The following MOK variants were observed in gnomAD, a reference collection of about 807,000 sequenced individuals.
MOK encodes the protein MOK protein kinase.
MOK carries 59 observed loss-of-function variants against 54.2 expected under a neutral mutation model. The observed-to-expected ratio is 1.09, with a 90% CI of 0.88 to 1.35. The LOEUF (loss-of-function observed/expected upper bound fraction) is 1.35. Among genes scored for constraint, MOK ranks in the 40% most tolerant of loss-of-function variants. MOK has a pLI of 0.00. For missense variants in MOK, 517 were observed against 526.2 expected, an observed-to-expected ratio of 0.98 and a Z score of 0.17; for synonymous variants, 210 against 202.7, an observed-to-expected ratio of 1.04 and a Z score of -0.31.
chr14:102,252,551 GT>G (rs1455710751), intron 4 of MOK, among the ~76,000 whole-genome samples: 1 of 151,948 alleles, frequency 6.6e-6, no homozygotes, highest in Non-Finnish European at 1.5e-5. Context: ...CTTTTTGGCA[GT>G]TTATAGAGGC....
At chr14:102,220,056 G>A (rs1287077257), downstream of MOK, among the ~76,000 whole-genome samples, 3 of 152,244 alleles carry the variant, frequency 2.0e-5, no homozygotes, top group East Asian at 1.9e-4. The surrounding 1 kb of genome is among the most constrained non-coding windows in gnomAD (Gnocchi z 4.2). Flanking sequence ...TGCAGCCCTC[G>A]CGTTGGGTCG....
At position 102,229,484 on chromosome 14, in the gene MOK, G is replaced by C. The variant is rs149501495; in HGVS notation, c.1155C>G (p.Pro385=). Residue 385 remains proline, a synonymous_variant, in exon 11 of 12, where the codon CCC becomes CCG. Transcript: ENST00000361847. ...TCTTGCTCGCAGGGATGCACTTCAA[G>C]GGTCTCAGCACCGGCACTCTTCCAT... ...GTNGRVPVLR[P]LKCIPASKKT... 118 of 1,614,194 alleles carry C rather than the reference G, an allele frequency of 7.3e-5. No individual in the cohort carries two copies. The African/African-American group carries it at 1.3e-3, about 18-fold the overall frequency.
Position 102,250,859 on chromosome 14 carries a change from G to A in MOK, c.543C>T (p.Tyr181=), listed in dbSNP as rs765727739. The stretch of plus-strand genomic sequence containing the variant: ...AGCCGGCGCTCCACAGGTCCATCTT[G>A]TACGTGTAGAACCCATCAGTGAGGA... ...ECLLTDGFYT[Y]KMDLWSAGCV... The change falls in exon 7 of 12, where the codon TAC becomes TAT. Residue 181 remains tyrosine (Y), a synonymous_variant. Transcript: ENST00000361847. 5 of 1,613,958 alleles carry A rather than the reference G, an allele frequency of 3.1e-6. No homozygotes were observed. Among genetic ancestry groups the A allele is most frequent in the South Asian group, 2.2e-5 (2 of 91,078 alleles).
rs953163093 is a variant in MOK at position 102,249,485 on chromosome 14, G to A, written c.590+1327C>T. ...AGCACTTTGGGAGGCTGAGGCAGGC[G>A]GATTACCTGAAGTCAGGAGTTCAAG... On this transcript the variant is annotated intron_variant, in intron 7 of 11. Coordinates refer to ENST00000361847, the MANE Select transcript of MOK (RefSeq NM_014226.3). This position sits in a 1 kb window ranked among gnomAD's most constrained non-coding sequence, Gnocchi z 5.3. 7.9e-5 allele frequency among the ~76,000 whole-genome samples: 12 copies of A among 152,300 alleles called. No homozygotes were observed. The East Asian group carries it at 1.2e-3, about 15-fold the overall frequency.
chr14:102,285,095 A>AG (rs1273536130), intron 1 of MOK, among the ~76,000 whole-genome samples: 48 of 151,886 alleles, frequency 3.2e-4, no homozygotes, highest in African/African-American at 1.2e-3. Flanking sequence ...AAAAAAAAAA[A>AG]AAAAAGAAAA....
chr14:102,249,026 G>A lies in MOK; in HGVS notation c.590+1786C>T, dbSNP rs1475629533. Among the ~76,000 whole-genome samples the A allele has an allele frequency of 3.3e-5, 5 of 151,910 alleles. No individual in the cohort carries two copies. Among genetic ancestry groups the A allele is most frequent in the South Asian group, 2.1e-4 (1 of 4,828 alleles). On this transcript the variant is annotated intron_variant, in intron 7 of 11. Coordinates refer to ENST00000361847, the MANE Select transcript of MOK (RefSeq NM_014226.3). This position sits in a 1 kb window ranked among gnomAD's most constrained non-coding sequence, Gnocchi z 5.3. ...AGGCAGACTCGCTCACACGGAACGC[G>A]AGGAACTCAGCCTGGCGTGTGCAGC...
chr14:102,264,214 A>G (rs1278389901), intron 3 of MOK: 5 of 136,854 alleles, frequency 3.7e-5, no homozygotes, highest in African/African-American at 1.6e-4. Flanking sequence ...CTGTCTCAAA[A>G]AAAAAAAAAA....
At position 102,236,063 on chromosome 14, in the gene MOK, G is replaced by A. The variant is rs2065194791; in HGVS notation, c.591-2274C>T. 6.6e-6 allele frequency among the ~76,000 whole-genome samples: 1 copy of A among 152,152 alleles called. No homozygotes were observed. Among genetic ancestry groups the A allele is most frequent in the Admixed American group, 6.5e-5 (1 of 15,272 alleles). On this transcript the variant is annotated intron_variant, in intron 7 of 11. Transcript: ENST00000361847. The surrounding 1 kb of genome is among the most constrained non-coding windows in gnomAD (Gnocchi z 4.5). ...TGTATCCTAACCCTTGAGTGCCAAAGAGTCCTTGTCCAGTGTGCCAGCAGA... is the reference window on the plus strand; with the variant it reads ...TGTATCCTAACCCTTGAGTGCCAAAAAGTCCTTGTCCAGTGTGCCAGCAGA...
downstream of MOK, chr14:102,224,770 G>A (rs1243973498): frequency 2.2e-6 from 1 of 455,978 alleles, no homozygotes; most frequent in Non-Finnish European, 4.4e-6. Context: ...TGGATCACGG[G>A]GCCATGAACT....
intron 2 of MOK, among the ~76,000 whole-genome samples, chr14:102,279,209 A>AT (rs5811063): frequency 0.081 from 12,303 of 152,020 alleles, 752 homozygotes; most frequent in African/African-American, 0.17. Context: ...AAGACTAGGG[A>AT]TTTTTTTTAA....
chr14:102,222,902 C>T (rs377005190), downstream of MOK: 149 of 1,613,932 alleles, frequency 9.2e-5, no homozygotes, highest in Non-Finnish European at 1.2e-4. The surrounding 1 kb of genome is among the most constrained non-coding windows in gnomAD (Gnocchi z 4.4). Flanking sequence ...CTGCTGCGCG[C>T]ACAGTCTCCC....
chr14:102,246,658 G>A (rs538892160), intron 7 of MOK, among the ~76,000 whole-genome samples: 2 of 152,084 alleles, frequency 1.3e-5, no homozygotes, highest in East Asian at 1.9e-4. Context: ...CCTCAAACTC[G>A]ACATACAGGC....
chr14:102,252,002 A>G lies in MOK; in HGVS notation c.284-7T>C. ...GATAATGGGTATCTTCTCCCTGTAC[A>G]ATCAAGGAAATAGGCAAATACGGTT... On this transcript the variant is annotated splice_region_variant and splice_polypyrimidine_tract_variant and intron_variant, in intron 4 of 11. Coordinates refer to ENST00000361847, the MANE Select transcript of MOK (RefSeq NM_014226.3). The G allele has an allele frequency of 6.6e-7, 1 of 1,514,284 alleles. No individual in the cohort carries two copies. Among genetic ancestry groups the G allele is most frequent in the Non-Finnish European group, 9.1e-7 (1 of 1,094,238 alleles). 93.8% of individuals were successfully genotyped at this position (1,514,284 alleles called of 1,614,324 possible).
At position 102,249,280 on chromosome 14, in the gene MOK, A is replaced by G. The variant is rs572217976; in HGVS notation, c.590+1532T>C. Reference sequence around the variant, plus strand: ...CAGTAACCGTGATAAATAACCCCACAGTGAGCCTCCCATCGGCCAAGGGGA... The same window carrying G: ...CAGTAACCGTGATAAATAACCCCACGGTGAGCCTCCCATCGGCCAAGGGGA... On this transcript the variant is annotated intron_variant, in intron 7 of 11. Coordinates refer to ENST00000361847, the MANE Select transcript of MOK (RefSeq NM_014226.3). This position sits in a 1 kb window ranked among gnomAD's most constrained non-coding sequence, Gnocchi z 5.3. Among the ~76,000 whole-genome samples, 24 of 152,348 alleles carry G rather than the reference A, an allele frequency of 1.6e-4. No individual in the cohort carries two copies. The highest frequency in any genetic ancestry group is 5.8e-4 in the African/African-American group (24 of 41,584).
At chr14:102,262,023 A>G (rs561790794) in intron 4 of MOK, among the ~76,000 whole-genome samples, 1 of 142,408 alleles carries the variant, frequency 7.0e-6, no homozygotes, top group African/African-American at 2.6e-5. Flanking sequence ...TTGTATTTTT[A>G]ATAGAGACGA....
At chr14:102,280,303 G>C (rs553019444) in intron 2 of MOK, among the ~76,000 whole-genome samples, 1 of 152,008 alleles carries the variant, frequency 6.6e-6, no homozygotes, top group Admixed American at 6.6e-5. Context: ...CACCTTCCTG[G>C]ATTCAAGAGA....
chr14:102,268,045 T>C (rs776906668), intron 2 of MOK, among the ~76,000 whole-genome samples: 14 of 152,056 alleles, frequency 9.2e-5, no homozygotes, highest in Non-Finnish European at 1.6e-4. Context: ...GCTAACAAGC[T>C]AGCAGTAGTT....
At chr14:102,250,200 C>A (rs1166459110) in intron 7 of MOK, among the ~76,000 whole-genome samples, 4 of 152,156 alleles carry the variant, frequency 2.6e-5, no homozygotes, top group Non-Finnish European at 5.9e-5. Flanking sequence ...CACCCCCAGA[C>A]CTTAACCTCA....
At chr14:102,266,041 T>C (rs2067878288) in intron 2 of MOK, 129 bp from the exon 3 acceptor site, 2 of 669,700 alleles carry the variant, frequency 3.0e-6, no homozygotes, top group Non-Finnish European at 5.0e-6. Context: ...AGGTTTTATT[T>C]CTCCCATTAG....
Sources: gnomAD v4.1 joint callset for allele counts (sites outside exome capture counted in the v4.1 genomes callset) on GRCh38, gnomAD v4.1.1 for gene constraint, Gnocchi (gnomAD v3.1) non-coding constraint, MANE v1.5 for transcripts, NCBI Gene and HGNC (gene_info 2026-07-23, HGNC 2026-07-21) for gene names.